The following CTDSPL2 variants were observed in gnomAD, a reference collection of about 807,000 sequenced individuals.
CTDSPL2 encodes CTD small phosphatase like 2.
A neutral mutation model predicts 60.0 loss-of-function variants in CTDSPL2; 5 were observed. That is an observed-to-expected ratio of 0.08 (90% CI 0.04 to 0.18). The LOEUF (loss-of-function observed/expected upper bound fraction) is 0.18. Ranked by LOEUF, CTDSPL2 falls within the 10% of genes least tolerant of loss-of-function variation. The probability of loss-of-function intolerance (pLI) is 1.00; values close to 1 mark genes in which losing one functional copy is unlikely to be tolerated. For missense variants in CTDSPL2, 370 were observed against 548.8 expected (o/e 0.67, Z 3.26); for synonymous variants, 186 against 189.3 (o/e 0.98, Z 0.14).
intron 10 of CTDSPL2, chr15:44,516,624 C>A (rs2081658393): frequency 6.6e-6 from 1 of 152,208 alleles, no homozygotes; most frequent in South Asian, 2.1e-4. Flanking sequence ...TGTTCAGCAT[C>A]TCCAGTATTC....
intron 2 of CTDSPL2, among the ~76,000 whole-genome samples, chr15:44,460,477 CTT>C (rs2080544774): frequency 6.6e-6 from 1 of 152,026 alleles, no homozygotes; most frequent in African/African-American, 2.4e-5. Context: ...TTTTTTATGA[CTT>C]TACTATTTTT....
intron 4 of CTDSPL2, among the ~76,000 whole-genome samples, chr15:44,486,982 G>A (rs993781127): frequency 6.6e-6 from 1 of 152,004 alleles, no homozygotes; most frequent in Admixed American, 6.6e-5. Flanking sequence ...GACCAGGCTG[G>A]TCTCAAACTC....
chr15:44,489,859 C>T (rs889362395), intron 4 of CTDSPL2, among the ~76,000 whole-genome samples: 2 of 152,084 alleles, frequency 1.3e-5, no homozygotes, highest in African/African-American at 4.8e-5. Context: ...AAAGAGCAGA[C>T]TTTTTTTGCA....
Position 44,524,130 on chromosome 15 carries a change from A to G in CTDSPL2, c.1357A>G (p.Ile453Val). 1 of 1,614,042 alleles carries G rather than the reference A, an allele frequency of 6.2e-7. No homozygotes were observed. The highest frequency in any genetic ancestry group is 8.5e-7 in the Non-Finnish European group (1 of 1,179,988). ...GCAGAATGAAGATGTTCGACCACAC[A>G]TCAGAGACAGATTTCGCTTGCATGA... ...VELNEDVRPH[I>V]RDRFRLHDLL... Residue 453 changes from isoleucine (I) to valine (V), a missense_variant, in exon 13 of 13, where the codon ATC becomes GTC. Transcript: ENST00000260327.
In CTDSPL2 at chr15:44,511,686, C is replaced by T. The variant is rs184873335; in HGVS notation, c.970-2912C>T. Reference sequence around the variant, plus strand: ...GAGTTTGAGACCAGCCTGGTCAACACGGTGAAAACCGTCTCTATTAAAAAT... The same window carrying T: ...GAGTTTGAGACCAGCCTGGTCAACATGGTGAAAACCGTCTCTATTAAAAAT... On this transcript the variant is annotated intron_variant, in intron 8 of 12. Coordinates refer to ENST00000260327, the MANE Select transcript of CTDSPL2 (RefSeq NM_016396.3). Among the ~76,000 whole-genome samples, 14 of 151,714 alleles carry T rather than the reference C, an allele frequency of 9.2e-5. No individual in the cohort carries two copies. The South Asian group carries it at 1.7e-3, about 18-fold the overall frequency.
intron 1 of CTDSPL2, among the ~76,000 whole-genome samples, chr15:44,441,414 C>A: frequency 6.6e-6 from 1 of 152,156 alleles, no homozygotes; most frequent in East Asian, 1.9e-4. Context: ...TCTTCAGTCC[C>A]ATGTTCGCAT....
chr15:44,438,637 T>G (rs543926467), intron 1 of CTDSPL2, among the ~76,000 whole-genome samples: 6 of 152,136 alleles, frequency 3.9e-5, no homozygotes, highest in African/African-American at 1.4e-4. Flanking sequence ...CTGGTTTTGG[T>G]ATGGGGGTGG....
At chr15:44,493,082 AC>A (rs1445509204) in intron 5 of CTDSPL2, among the ~76,000 whole-genome samples, 3 of 150,862 alleles carry the variant, frequency 2.0e-5, no homozygotes, top group Admixed American at 6.6e-5. Context: ...ATTTATGAGC[AC>A]CTTTTTTTTT....
chr15:44,431,175 G>A (rs2079849863), intron 1 of CTDSPL2, among the ~76,000 whole-genome samples: 2 of 150,670 alleles, frequency 1.3e-5, no homozygotes, highest in Admixed American at 6.6e-5. Flanking sequence ...CACCCAGACT[G>A]GTCTCAAACT....
At chr15:44,516,820 G>C (rs1010833382) in intron 10 of CTDSPL2, 8 of 151,264 alleles carry the variant, frequency 5.3e-5, no homozygotes, top group African/African-American at 2.0e-4. Flanking sequence ...TGAGAAATCT[G>C]AAACAAAAGC....
intron 1 of CTDSPL2, among the ~76,000 whole-genome samples, chr15:44,440,351 A>G (rs1405842612): frequency 6.6e-6 from 1 of 151,748 alleles, no homozygotes; most frequent in Non-Finnish European, 1.5e-5. Flanking sequence ...GCGCACCACC[A>G]TGCCTGACTA....
At chr15:44,429,240 GT>G (rs948795618) in intron 1 of CTDSPL2, among the ~76,000 whole-genome samples, 2 of 152,146 alleles carry the variant, frequency 1.3e-5, no homozygotes, top group African/African-American at 4.8e-5. Flanking sequence ...ATGTGAAGGA[GT>G]TTTTTAGGAT....
intron 1 of CTDSPL2, among the ~76,000 whole-genome samples, chr15:44,431,692 TTTTGTTTG>T (rs1331963251): frequency 1.8e-3 from 263 of 146,360 alleles, no homozygotes; most frequent in Non-Finnish European, 2.8e-3. Context: ...GAGTTAAGTT[TTTTGTTTG>T]TTTGTTTGTT....
In CTDSPL2 at chr15:44,519,230, A is replaced by G. The variant is rs772511158; in HGVS notation, c.1174A>G (p.Ile392Val). ...VQGNYIKDLN[I>V]LGRDLSKTII... ...AGGAAACTATATAAAGGACTTAAAT[A>G]TTCTTGGAAGAGATCTTTCAAAAAC... Residue 392 changes from isoleucine (I) to valine (V), a missense_variant, in exon 11 of 13, where the codon ATT (isoleucine) becomes GTT (valine). This residue lies in a region of CTDSPL2 where 46 missense variants were observed against 126.0 expected (regional missense o/e 0.37). Coordinates refer to ENST00000260327, the MANE Select transcript of CTDSPL2 (RefSeq NM_016396.3). 1.3e-6 allele frequency: 2 copies of G among 1,573,186 alleles called. No individual in the cohort carries two copies. Among genetic ancestry groups the G allele is most frequent in the Admixed American group, 3.9e-5 (2 of 51,614 alleles).
At chr15:44,467,356 G>A (rs567555030) in intron 2 of CTDSPL2, among the ~76,000 whole-genome samples, 1 of 152,274 alleles carries the variant, frequency 6.6e-6, no homozygotes, top group South Asian at 2.1e-4. Context: ...ACCATGTTCA[G>A]TAGCAGTGGT....
chr15:44,434,891 G>A (rs1016491947), intron 1 of CTDSPL2, among the ~76,000 whole-genome samples: 1 of 152,124 alleles, frequency 6.6e-6, no homozygotes, highest in Admixed American at 6.6e-5. Context: ...GAAAAGCAGA[G>A]AAGACCATAT....
chr15:44,495,043 C>T (rs1310993941), intron 5 of CTDSPL2, among the ~76,000 whole-genome samples: 1 of 152,206 alleles, frequency 6.6e-6, no homozygotes, highest in East Asian at 1.9e-4. Context: ...ACAATCTCGG[C>T]TCACTGCAAC....
At chr15:44,488,735 C>T (rs1038299828) in intron 4 of CTDSPL2, among the ~76,000 whole-genome samples, 1 of 152,168 alleles carries the variant, frequency 6.6e-6, no homozygotes, top group Non-Finnish European at 1.5e-5. Context: ...AGGAGAATTG[C>T]TTGAACCTGG....
rs541233017 is a variant in CTDSPL2 at position 44,441,407 on chromosome 15, T to C, written c.-25+13635T>C. Among the ~76,000 whole-genome samples, 6 of 152,322 alleles carry C rather than the reference T, an allele frequency of 3.9e-5. No homozygotes were observed. In the South Asian group the frequency reaches 1.2e-3, roughly 32 times the overall value. ...ACTGCACCACAGAGGAGGGCTCTCT[T>C]CAGTCCCATGTTCGCATATTGTGAG... On this transcript the variant is annotated intron_variant, in intron 1 of 12. Coordinates refer to ENST00000260327, the MANE Select transcript of CTDSPL2 (RefSeq NM_016396.3).
Sources: gnomAD v4.1 joint callset for allele counts (sites outside exome capture counted in the v4.1 genomes callset) on GRCh38, gnomAD v4.1.1 for gene constraint, gnomAD v4.1.1 regional missense constraint, MANE v1.5 for transcripts, NCBI Gene and HGNC (gene_info 2026-07-23, HGNC 2026-07-21) for gene names.